KIAA1549: variants seen among roughly 807,000 people sequenced by gnomAD.
KIAA1549 encodes KIAA1549, also known as UPF0606 protein KIAA1549.
KIAA1549 carries 70 observed loss-of-function variants against 156.4 expected under a neutral mutation model. That is an observed-to-expected ratio of 0.45 (90% CI 0.37 to 0.55). The LOEUF (loss-of-function observed/expected upper bound fraction) is 0.55, where lower values mean the gene tolerates loss of function less well. Among genes scored for constraint, KIAA1549 ranks in the 20% least tolerant of loss-of-function variants. The pLI is 0.00. For synonymous variants in KIAA1549, 1,103 were observed against 1,066.4 expected, an observed-to-expected ratio of 1.03 and a Z score of -0.67; for missense variants, 2,428 against 2,540.9, an observed-to-expected ratio of 0.96 and a Z score of 0.96.
At chr7:138,930,319 A>G (rs973918752) in intron 1 of KIAA1549, among the ~76,000 whole-genome samples, 1 of 152,214 alleles carries the variant, frequency 6.6e-6, no homozygotes, top group Non-Finnish European at 1.5e-5. Context: ...AGAATGGTCC[A>G]TGAGCACTGG....
Position 138,924,177 on chromosome 7 carries a change from CTTTTCTTTTTTTT to C in KIAA1549, c.188-4752_188-4740del, listed in dbSNP as rs965581419. Among the ~76,000 whole-genome samples, 42 of 136,450 alleles carry C rather than the reference CTTTTCTTTTTTTT, an allele frequency of 3.1e-4. No homozygotes were observed. The South Asian group carries it at 7.7e-3, about 25-fold the overall frequency. The allele number at this position is 136,450 out of a possible 152,430, so 89.5% of individuals were successfully genotyped here. A position where few individuals can be genotyped will look rare whatever the true frequency, so the allele number is the denominator to read the frequency against. On this transcript the variant is annotated intron_variant, in intron 1 of 19. Transcript: ENST00000422774. ...ACAGTAAAATAGCAGCTGTTCTTTT[CTTTTCTTTTTTTT>C]TTTTCTTTTTTTTTTTTGGATGTTC... is the stretch of plus-strand genomic sequence containing the variant.
At chr7:138,848,870 A>T (rs970168003) in intron 17 of KIAA1549, among the ~76,000 whole-genome samples, 2 of 152,122 alleles carry the variant, frequency 1.3e-5, no homozygotes, top group African/African-American at 4.8e-5. Flanking sequence ...TGACTATTCA[A>T]GTTTTCTCTT....
At chr7:138,870,362 A>C (rs562006360) in intron 13 of KIAA1549, among the ~76,000 whole-genome samples, 1 of 152,244 alleles carries the variant, frequency 6.6e-6, no homozygotes, top group African/African-American at 2.4e-5. Flanking sequence ...AAAAAAAGTC[A>C]CTCGAACCTT....
chr7:138,858,517 T>C (rs1191951135), intron 16 of KIAA1549, among the ~76,000 whole-genome samples: 1 of 152,210 alleles, frequency 6.6e-6, no homozygotes, highest in Non-Finnish European at 1.5e-5. Flanking sequence ...TGTTTCTATA[T>C]TCTTGAGCTT....
intron 9 of KIAA1549, among the ~76,000 whole-genome samples, chr7:138,894,971 A>T (rs937683569): frequency 5.9e-5 from 9 of 152,296 alleles, no homozygotes; most frequent in African/African-American, 2.2e-4. Context: ...GTACCGCAGG[A>T]CTCACACCCT....
At chr7:138,914,728 C>G (rs927388480) in intron 2 of KIAA1549, among the ~76,000 whole-genome samples, 1 of 152,210 alleles carries the variant, frequency 6.6e-6, no homozygotes, top group Admixed American at 6.5e-5. Context: ...AGCATGGACA[C>G]TCACACACAA....
intron 10 of KIAA1549, among the ~76,000 whole-genome samples, chr7:138,882,769 A>G (rs564476822): frequency 6.6e-6 from 1 of 152,238 alleles, no homozygotes; most frequent in South Asian, 2.1e-4. Context: ...CAAAAGAAGT[A>G]ATGGGGCACA....
At chr7:138,871,506 C>T (rs1810938205) in intron 12 of KIAA1549, 144 bp from the exon 13 acceptor site, 1 of 631,026 alleles carries the variant, frequency 1.6e-6, no homozygotes, top group East Asian at 3.0e-5. Flanking sequence ...AGAGTGTTTA[C>T]AATTTCACTC....
At chr7:138,916,621 A>G (rs1395328217) in intron 2 of KIAA1549, 127 bp downstream of exon 2, 40 of 1,439,012 alleles carry the variant, frequency 2.8e-5, no homozygotes, top group South Asian at 1.4e-4. Flanking sequence ...TAGGAGTACT[A>G]CCTGGGAGTT....
At position 138,917,509 on chromosome 7, in the gene KIAA1549, G is replaced by A; in HGVS notation, c.2117C>T (p.Thr706Ile). 6.2e-7 allele frequency: 1 copy of A among 1,613,734 alleles called. No individual in the cohort carries two copies. The highest frequency in any genetic ancestry group is 8.5e-7 in the Non-Finnish European group (1 of 1,179,848). ...AGAACGGCTAGGTAGCAACATGATG[G>A]TGTTTAAAGGCAGCTCGGAACTTGG... ...LQPSSELPLN[T>I]IMLLPSRSEV... Residue 706 changes from threonine (T) to isoleucine (I), a missense_variant, in exon 2 of 20, where the codon ACC becomes ATC. Physicochemically the swap from Thr to Ile is moderately conservative, Grantham distance 89 (BLOSUM62 -1). Transcript: ENST00000422774.
At chr7:138,938,352 C>T (rs533661822) in intron 1 of KIAA1549, among the ~76,000 whole-genome samples, 2 of 152,302 alleles carry the variant, frequency 1.3e-5, no homozygotes, top group Admixed American at 6.5e-5. Context: ...GTTACATATA[C>T]TTCTGGAATC....
chr7:138,882,241 T>C (rs1375773503), intron 10 of KIAA1549, among the ~76,000 whole-genome samples: 1 of 152,156 alleles, frequency 6.6e-6, no homozygotes, highest in East Asian at 1.9e-4. Flanking sequence ...CCCCAAATCT[T>C]AGCAGTGAAC....
rs11379929 is a variant in KIAA1549, at chr7:138,911,089, TA to T, written c.3145+56del. The T allele has an allele frequency of 4.0e-3, 4,233 of 1,059,418 alleles. 26 individuals carry two copies. Among genetic ancestry groups the T allele is most frequent in the African/African-American group, 0.028 (1,627 of 58,742 alleles). The allele number at this position is 1,059,418 out of a possible 1,614,324, so 65.6% of individuals were successfully genotyped here. On this transcript the variant is annotated intron_variant, in intron 4 of 19. Coordinates refer to ENST00000422774, the MANE Select transcript of KIAA1549 (RefSeq NM_001164665.2). ...AATGATTTCCAATATTTTAGAAAGA[TA>T]AAAAAAAAATGAAATTCTTTTTACA...
At chr7:138,957,925 G>A (rs1333791273) in intron 1 of KIAA1549, among the ~76,000 whole-genome samples, 1 of 152,100 alleles carries the variant, frequency 6.6e-6, no homozygotes, top group East Asian at 1.9e-4. Flanking sequence ...ATTTCGCTAT[G>A]GGTGCATACT....
chr7:138,903,361 T>C (rs773852192), intron 8 of KIAA1549, among the ~76,000 whole-genome samples: 42 of 152,366 alleles, frequency 2.8e-4, no homozygotes, highest in South Asian at 1.0e-3. Context: ...TCTATTGTTA[T>C]ACTACTACTT....
intron 1 of KIAA1549, among the ~76,000 whole-genome samples, chr7:138,950,138 G>A (rs1201917327): frequency 6.6e-6 from 1 of 152,098 alleles, no homozygotes; most frequent in African/African-American, 2.4e-5. Context: ...GTTTCTGAAG[G>A]GCAGGTCATG....
In KIAA1549 at chr7:138,881,482, C is replaced by T; in HGVS notation, c.4135G>A (p.Gly1379Arg). 6.2e-7 allele frequency: 1 copy of T among 1,614,044 alleles called. No homozygotes were observed. The change falls in exon 11 of 20, where the codon GGA becomes AGA. Residue 1379 changes from glycine to arginine, a missense_variant. Gly to Arg is a moderately radical substitution (Grantham distance 125, BLOSUM62 -2). Coordinates refer to ENST00000422774, the MANE Select transcript of KIAA1549 (RefSeq NM_001164665.2). Reference protein sequence around the residue: ...LIIHEPAPLPGPLKDHTTPSE... With the variant: ...LIIHEPAPLPRPLKDHTTPSE... ...GGCGTGGTGTGGTCCTTCAGAGGTC[C>T]TGGCAGTGGCGCTGGCTCATGAATA...
chr7:138,899,171 A>T, intron 8 of KIAA1549, 39 bp from the exon 9 acceptor site: 2 of 1,522,918 alleles, frequency 1.3e-6, no homozygotes, highest in Non-Finnish European at 1.8e-6. Flanking sequence ...GCAGAAGCTC[A>T]TGTTTCTAGA....
rs1811839073 is a variant in KIAA1549 at position 138,901,428 on chromosome 7, T to A, written c.3669+2160A>T. Among the ~76,000 whole-genome samples the A allele has an allele frequency of 2.0e-5, 3 of 151,416 alleles. No individual in the cohort carries two copies. In the Admixed American group the frequency reaches 2.0e-4, roughly 10 times the overall value. ...GAAACCTCCACCTCCCGGGTTCAAG[T>A]GATTCTCATGCCTCAGCCTCCTGAA... On this transcript the variant is annotated intron_variant, in intron 8 of 19. Transcript: ENST00000422774.
Sources: allele counts gnomAD v4.1 joint callset (sites outside exome capture counted in the v4.1 genomes callset), GRCh38; gene constraint gnomAD v4.1.1; transcripts MANE v1.5; gene names NCBI Gene and HGNC (gene_info 2026-07-23, HGNC 2026-07-21).